TCF7: variants seen among roughly 807,000 people sequenced by gnomAD.
The protein encoded by TCF7 is transcription factor 7.
In TCF7, 19 loss-of-function variants were observed where a neutral mutation model predicts 46.8. The observed-to-expected ratio is 0.41, with a 90% confidence interval of 0.28 to 0.60. The LOEUF (loss-of-function observed/expected upper bound fraction) is 0.60, where lower values mean the gene tolerates loss of function less well. TCF7 is among the 20% of genes least tolerant of loss of function. The probability of loss-of-function intolerance (pLI) is 0.35; values close to 1 mark genes in which losing one functional copy is unlikely to be tolerated. For synonymous variants in TCF7, 245 were observed against 213.4 expected (o/e 1.15, Z -1.29); for missense variants, 547 against 504.6 (o/e 1.08, Z -0.81).
intron 3 of TCF7, among the ~76,000 whole-genome samples, chr5:134,125,657 A>G (rs1297795510): frequency 6.6e-6 from 1 of 152,232 alleles, no homozygotes; most frequent in Non-Finnish European, 1.5e-5. Flanking sequence ...TTGGAAAGCT[A>G]GTGGAACCAT....
In TCF7 at chr5:134,139,215, G is replaced by A. The variant is rs561094120; in HGVS notation, c.635+177G>A. ...CTGGCTCTGAGCTAGGGGTCCTCAT[G>A]TACCCCGGCCTGCATTCCCCAGGGA... On this transcript the variant is annotated intron_variant, in intron 5 of 9. Coordinates refer to ENST00000342854, the MANE Select transcript of TCF7 (RefSeq NM_003202.5). 7.7e-5 allele frequency: 75 copies of A among 968,632 alleles called. No homozygotes were observed. In the African/African-American group the frequency reaches 1.1e-3, roughly 14 times the overall value. 60.0% of individuals were successfully genotyped at this position (968,632 alleles called of 1,614,324 possible).
intron 9 of TCF7, 110 bp downstream of exon 9, chr5:134,143,750 G>A (rs569285777): frequency 8.7e-6 from 11 of 1,258,510 alleles, no homozygotes; most frequent in Non-Finnish European, 1.1e-5. Flanking sequence ...GGAGCCTTCA[G>A]GGCCTGGGGC....
At chr5:134,119,597 A>T (rs1167117989) in intron 3 of TCF7, among the ~76,000 whole-genome samples, 2 of 152,126 alleles carry the variant, frequency 1.3e-5, no homozygotes, top group African/African-American at 4.8e-5. Context: ...GTGCCTGGGG[A>T]TGCCCCAAGC....
intron 3 of TCF7, among the ~76,000 whole-genome samples, chr5:134,125,381 C>T (rs1398150659): frequency 1.3e-5 from 2 of 152,246 alleles, no homozygotes; most frequent in African/African-American, 4.8e-5. Context: ...TCTGCACGCA[C>T]ACCCACCCAC....
chr5:134,131,405 T>C (rs1248908531), intron 3 of TCF7, among the ~76,000 whole-genome samples: 2 of 152,224 alleles, frequency 1.3e-5, no homozygotes, highest in Non-Finnish European at 2.9e-5. Flanking sequence ...ACAGTAACCA[T>C]AGCAATAGCC....
intron 3 of TCF7, among the ~76,000 whole-genome samples, chr5:134,124,638 C>T (rs1351171737): frequency 6.6e-6 from 1 of 152,180 alleles, no homozygotes; most frequent in Non-Finnish European, 1.5e-5. Flanking sequence ...GAGGAGCAGA[C>T]ACTCTGCCAA....
chr5:134,138,834 C>T (rs1223064897), intron 4 of TCF7, 117 bp from the exon 5 acceptor site: 17 of 1,464,690 alleles, frequency 1.2e-5, no homozygotes, highest in African/African-American at 1.4e-5. Flanking sequence ...TATGTCTGGT[C>T]CTCTAGCAAA....
intron 3 of TCF7, among the ~76,000 whole-genome samples, chr5:134,134,492 C>G (rs532092103): frequency 6.6e-6 from 1 of 152,330 alleles, no homozygotes; most frequent in South Asian, 2.1e-4. Context: ...CCTCAGCTGT[C>G]ACGAGGCCTG....
chr5:134,143,263 C>A, intron 8 of TCF7, 163 bp downstream of exon 8: 1 of 774,842 alleles, frequency 1.3e-6, no homozygotes, highest in Non-Finnish European at 2.2e-6. Flanking sequence ...CAGAAGAGGA[C>A]AAGCCCACAT....
Position 134,115,304 on chromosome 5 carries a change from T to G in TCF7, c.250-17T>G. 1 of 1,522,222 alleles carries G rather than the reference T, an allele frequency of 6.6e-7. No individual in the cohort carries two copies. The highest frequency in any genetic ancestry group is 8.9e-7 in the Non-Finnish European group (1 of 1,129,772). 94.3% of individuals were successfully genotyped at this position (1,522,222 alleles called of 1,614,324 possible). A position where few individuals can be genotyped will look rare whatever the true frequency, so the allele number is the denominator to read the frequency against. ...GCGGTCCCACCGCCCCTCACTCCCC[T>G]CCGGTTCTCCCTCCAGGCTCTCGGG... On this transcript the variant is annotated splice_polypyrimidine_tract_variant and intron_variant, in intron 1 of 9. Coordinates refer to ENST00000342854, the MANE Select transcript of TCF7 (RefSeq NM_003202.5).
chr5:134,144,419 T>G (rs983530511), intron 9 of TCF7: 1 of 258,210 alleles, frequency 3.9e-6, no homozygotes, highest in East Asian at 9.7e-5. Context: ...GGGTAGGGAG[T>G]TGGGGAGGAG....
At chr5:134,116,123 C>T in intron 3 of TCF7, 90 bp downstream of exon 3, 2 of 1,490,014 alleles carry the variant, frequency 1.3e-6, no homozygotes, top group Non-Finnish European at 1.8e-6. Flanking sequence ...CTGCCTGGAA[C>T]AAAATAGACG....
chr5:134,115,364 A>G lies in TCF7; in HGVS notation c.293A>G (p.Lys98Arg). 10 of 1,602,664 alleles carry G rather than the reference A, an allele frequency of 6.2e-6. No individual in the cohort carries two copies. The highest frequency in any genetic ancestry group is 7.7e-6 in the Non-Finnish European group (9 of 1,175,438). The change falls in exon 2 of 10, where the codon AAA (lysine) becomes AGA (arginine). Residue 98 changes from lysine to arginine, a missense_variant. Lys to Arg is a conservative substitution (Grantham distance 26). Around this residue, in one of 3 missense-constraint regions of TCF7, gnomAD observed 425 missense variants for 349.9 expected, o/e 1.21. Coordinates refer to ENST00000342854, the MANE Select transcript of TCF7 (RefSeq NM_003202.5). ...EHAAQRLFPD[K>R]LPEPLEDGLK... ...GCTGCGCAGAGACTCTTCCCGGACAAACTTCCAGAGCCCCTGGAGGACGGT... is the reference window on the plus strand; with the variant it reads ...GCTGCGCAGAGACTCTTCCCGGACAGACTTCCAGAGCCCCTGGAGGACGGT...
chr5:134,139,797 G>A (rs1482332700), intron 5 of TCF7: 1 of 152,384 alleles, frequency 6.6e-6, no homozygotes, highest in Non-Finnish European at 1.5e-5. Flanking sequence ...GATCGGGCAG[G>A]CCAGAGGCCC....
intron 9 of TCF7, chr5:134,144,692 A>G: frequency 7.1e-6 from 6 of 847,672 alleles, no homozygotes; most frequent in South Asian, 1.4e-5. Flanking sequence ...TAGGGTGTCT[A>G]TAACTGGCTA....
At chr5:134,119,915 G>A (rs1293562235) in intron 3 of TCF7, among the ~76,000 whole-genome samples, 2 of 152,208 alleles carry the variant, frequency 1.3e-5, no homozygotes, top group Non-Finnish European at 2.9e-5. Context: ...AAGCCTGTTA[G>A]GAGGGAATTT....
In TCF7 at chr5:134,143,629, A is replaced by T. The variant is rs1760224765; in HGVS notation, c.1064A>T (p.Glu355Val). 6.2e-7 allele frequency: 1 copy of T among 1,613,914 alleles called. No homozygotes were observed. The highest frequency in any genetic ancestry group is 8.5e-7 in the Non-Finnish European group (1 of 1,180,012). The change falls in exon 9 of 10, where the codon GAA (glutamate) becomes GTA (valine). Residue 355 changes from glutamate (E) to valine (V), a missense_variant. Glu to Val is a moderately radical substitution (Grantham distance 121). Around this residue, in one of 3 missense-constraint regions of TCF7, gnomAD observed 90 missense variants for 88.8 expected, o/e 1.01. Transcript: ENST00000342854. ...KKRRSREKHQESTTGGKRNAF... is the reference protein window; with the variant it reads ...KKRRSREKHQVSTTGGKRNAF... The stretch of plus-strand genomic sequence containing the variant: ...AGGCGGTCGAGGGAAAAGCACCAAG[A>T]ATCCACCACAGGTGAGACCTTCTCT...
intron 3 of TCF7, 46 bp from the exon 4 acceptor site, chr5:134,138,013 C>T (rs1750147720): frequency 6.8e-7 from 1 of 1,469,302 alleles, no homozygotes. Context: ...GTGTCTTCCT[C>T]CCTCAGGACT....
the TCF7 span, among the ~76,000 whole-genome samples, chr5:134,108,273 C>T: frequency 6.6e-6 from 1 of 152,280 alleles, no homozygotes; most frequent in East Asian, 1.9e-4. Context: ...ACACATTGGA[C>T]CATTATGCAA....
Sources: allele counts gnomAD v4.1 joint callset (sites outside exome capture counted in the v4.1 genomes callset), GRCh38; gene constraint gnomAD v4.1.1; regional missense constraint gnomAD v4.1.1; transcripts MANE v1.5; gene names NCBI Gene and HGNC (gene_info 2026-07-23, HGNC 2026-07-21).